Variants in DYNC1I1 observed in about 807,000 individuals in gnomAD.
The protein encoded by DYNC1I1 is cytoplasmic dynein 1 intermediate chain 1.
DYNC1I1 carries 43 observed loss-of-function variants against 86.6 expected under a neutral mutation model. The observed-to-expected ratio is 0.50, with a 90% confidence interval of 0.39 to 0.64. The LOEUF is 0.64. DYNC1I1 is among the 30% of genes least tolerant of loss of function. The pLI, the probability that DYNC1I1 is intolerant of heterozygous loss-of-function variation, is 0.00. For missense variants in DYNC1I1, 604 were observed against 788.8 expected, an observed-to-expected ratio of 0.77 and a Z score of 2.81; for synonymous variants, 262 against 283.7, an observed-to-expected ratio of 0.92 and a Z score of 0.77.
chr7:96,072,783 T>C (rs73401033), intron 14 of DYNC1I1, among the ~76,000 whole-genome samples: 2,329 of 152,308 alleles, frequency 0.015, 63 homozygotes, highest in African/African-American at 0.053. Context: ...ATGAAAATTT[T>C]AATACTTCAA....
chr7:95,937,505 CA>C (rs147821735), intron 6 of DYNC1I1, among the ~76,000 whole-genome samples: 26,595 of 135,866 alleles, frequency 0.2, 3,874 homozygotes, highest in African/African-American at 0.4. Flanking sequence ...AATCTTCGTT[CA>C]AAAAAAAAAA....
intron 16 of DYNC1I1, among the ~76,000 whole-genome samples, chr7:96,092,200 A>G (rs1180105540): frequency 6.6e-6 from 1 of 152,116 alleles, no homozygotes; most frequent in Non-Finnish European, 1.5e-5. Context: ...AAAAAAGTAC[A>G]GCTCTAAATA....
At chr7:95,894,391 A>G (rs953152547) in intron 6 of DYNC1I1, among the ~76,000 whole-genome samples, 10 of 151,868 alleles carry the variant, frequency 6.6e-5, no homozygotes, top group Admixed American at 1.3e-4. Flanking sequence ...ACCAATCCCC[A>G]GTTATCTCCC....
intron 6 of DYNC1I1, among the ~76,000 whole-genome samples, chr7:95,875,894 C>G (rs1790297571): frequency 6.6e-6 from 1 of 152,160 alleles, no homozygotes; most frequent in Non-Finnish European, 1.5e-5. Context: ...TGAGTTGATG[C>G]CTTGTCCTTT....
At chr7:96,030,508 C>A (rs1794784906) in intron 11 of DYNC1I1, among the ~76,000 whole-genome samples, 1 of 151,766 alleles carries the variant, frequency 6.6e-6, no homozygotes. Context: ...GCCACACACA[C>A]TTTCTCCGGG....
Position 95,948,594 on chromosome 7 carries a change from G to A in DYNC1I1, c.491-28918G>A, listed in dbSNP as rs372287714. 1.9e-4 allele frequency among the ~76,000 whole-genome samples: 29 copies of A among 152,242 alleles called. No homozygotes were observed. In the East Asian group the frequency reaches 4.4e-3, roughly 23 times the overall value. The stretch of plus-strand genomic sequence containing the variant: ...AATAAGTCAGAGGAACTTGTCTTGG[G>A]CTGCTTCCAGGGCTGTACATAGGTA... On this transcript the variant is annotated intron_variant, in intron 6 of 16. Transcript: ENST00000447467.
chr7:95,949,920 G>A (rs566617521), intron 6 of DYNC1I1, among the ~76,000 whole-genome samples: 94 of 152,118 alleles, frequency 6.2e-4, no homozygotes, highest in Middle Eastern at 3.4e-3. Flanking sequence ...TTTGGCCTGA[G>A]CATTGATAAA....
intron 1 of DYNC1I1, among the ~76,000 whole-genome samples, chr7:95,803,597 A>G (rs1562899196): frequency 6.6e-6 from 1 of 152,212 alleles, no homozygotes; most frequent in Non-Finnish European, 1.5e-5. Flanking sequence ...GGACAACGAC[A>G]AAAAAGTTGA....
intron 6 of DYNC1I1, among the ~76,000 whole-genome samples, chr7:95,975,964 T>TTG (rs113806940): frequency 3.9e-5 from 6 of 152,138 alleles, no homozygotes; most frequent in African/African-American, 9.6e-5. Context: ...AAATGGAATT[T>TTG]TGTGTGTGTG....
chr7:96,079,495 A>C (rs1158629000), intron 15 of DYNC1I1, among the ~76,000 whole-genome samples: 4 of 152,186 alleles, frequency 2.6e-5, no homozygotes, highest in Non-Finnish European at 5.9e-5. Flanking sequence ...AATGGGAGAG[A>C]GGTAGACACA....
At chr7:96,040,375 T>C (rs1206473932) in intron 14 of DYNC1I1, among the ~76,000 whole-genome samples, 2 of 152,166 alleles carry the variant, frequency 1.3e-5, no homozygotes, top group African/African-American at 4.8e-5. Context: ...CTTAAACCAG[T>C]AGTCTGAGAT....
rs115447699 is a variant in DYNC1I1 at position 96,036,243 on chromosome 7, C to T, written c.1364+491C>T. Among the ~76,000 whole-genome samples, 946 of 152,282 alleles carry T rather than the reference C, an allele frequency of 6.2e-3. 6 individuals are homozygous for T. The highest frequency in any genetic ancestry group is 0.021 in the African/African-American group (892 of 41,564). ...CTTGGGCAAAGAAAACCACTCCCAC[C>T]TTTAAGTCCCATAGAATTTTCAATT... is the stretch of plus-strand genomic sequence containing the variant. On this transcript the variant is annotated intron_variant, in intron 13 of 16. Coordinates refer to ENST00000447467, the MANE Select transcript of DYNC1I1 (RefSeq NM_001135556.2).
chr7:96,025,848 G>A (rs952281398), intron 10 of DYNC1I1, among the ~76,000 whole-genome samples: 3 of 151,330 alleles, frequency 2.0e-5, no homozygotes, highest in East Asian at 3.9e-4. Flanking sequence ...TGCGGGGGGG[G>A]GATATTTGCT....
chr7:96,110,165 T>G (rs1791291584), downstream of DYNC1I1: 1 of 384,484 alleles, frequency 2.6e-6, no homozygotes, highest in Non-Finnish European at 5.1e-6. Flanking sequence ...TTTTAGTTCT[T>G]TCAGTTCTAT....
In DYNC1I1 at chr7:96,028,350, G is replaced by A. The variant is rs778373700; in HGVS notation, c.1116+29G>A. ...ATGCAAACTTTTGCCATATCCCTGT[G>A]AGCCGCCAGGCCCTGAAAGAGAAAA... On this transcript the variant is annotated intron_variant, in intron 11 of 16. Transcript: ENST00000447467. The A allele has an allele frequency of 1.4e-5, 22 of 1,574,044 alleles. No individual in the cohort carries two copies. In the South Asian group the frequency reaches 2.3e-4, roughly 17 times the overall value.
chr7:95,822,886 C>T (rs960929987), intron 4 of DYNC1I1, among the ~76,000 whole-genome samples: 1 of 152,084 alleles, frequency 6.6e-6, no homozygotes, highest in Non-Finnish European at 1.5e-5. Flanking sequence ...CCAGGAATTC[C>T]AGAAAGGGGA....
At chr7:96,083,188 T>C (rs777246692) in intron 16 of DYNC1I1, among the ~76,000 whole-genome samples, 3 of 152,204 alleles carry the variant, frequency 2.0e-5, no homozygotes, top group Non-Finnish European at 4.4e-5. Context: ...GCTTATACAC[T>C]TGAAGAGTTC....
rs73230228 is a variant in DYNC1I1 at position 95,952,082 on chromosome 7, C to T, written c.491-25430C>T. Among the ~76,000 whole-genome samples the T allele has an allele frequency of 7.7e-3, 1,179 of 152,244 alleles. 4 individuals are homozygous for T. The highest frequency in any genetic ancestry group is 0.012 in the Non-Finnish European group (847 of 68,020). ...TGCTCTGGGCTCTATCTGAATGAGT[C>T]TTACATAGAGAATAAGAATCTTTCC... On this transcript the variant is annotated intron_variant, in intron 6 of 16. Transcript: ENST00000447467.
chr7:96,081,371 C>T (rs1480128384), intron 16 of DYNC1I1, among the ~76,000 whole-genome samples: 1 of 150,612 alleles, frequency 6.6e-6, no homozygotes, highest in Non-Finnish European at 1.5e-5. Context: ...AGACAAATCT[C>T]CTTGAATTTG....
Sources: allele counts gnomAD v4.1 joint callset (sites outside exome capture counted in the v4.1 genomes callset), GRCh38; gene constraint gnomAD v4.1.1; transcripts MANE v1.5; gene names NCBI Gene and HGNC (gene_info 2026-07-23, HGNC 2026-07-21).